The following RNF144A variants were observed in gnomAD, a reference collection of about 807,000 sequenced individuals.
RNF144A encodes ring finger protein 144A, also known as E3 ubiquitin-protein ligase RNF144A.
In RNF144A, 11 loss-of-function variants were observed where a neutral mutation model predicts 38.7. That is an observed-to-expected ratio of 0.28 (90% CI 0.18 to 0.47). The LOEUF is 0.47. RNF144A is among the 20% of genes least tolerant of loss of function. RNF144A has a pLI of 0.99. For synonymous variants in RNF144A, 149 were observed against 143.9 expected (o/e 1.04, Z -0.25); for missense variants, 316 against 377.2 (o/e 0.84, Z 1.34).
Position 6,917,878 on chromosome 2 carries a change from C to T in RNF144A, c.-212+256C>T, listed in dbSNP as rs1013598832. ...ACCTCGTCCCTGCTCTGCTCCTGCC[C>T]TGCCCTGCCTCTCGCAGGCGGCGCC... On this transcript the variant is annotated intron_variant, in intron 1 of 8. Coordinates refer to ENST00000320892, the MANE Select transcript of RNF144A (RefSeq NM_014746.6). This position sits in a 1 kb window ranked among gnomAD's most constrained non-coding sequence, Gnocchi z 4.8. Among the ~76,000 whole-genome samples, 4 of 151,316 alleles carry T rather than the reference C, an allele frequency of 2.6e-5. No homozygotes were observed. Among genetic ancestry groups the T allele is most frequent in the African/African-American group, 9.7e-5 (4 of 41,350 alleles).
At chr2:7,017,999 T>A (rs1232064412) in intron 5 of RNF144A, among the ~76,000 whole-genome samples, 1 of 152,190 alleles carries the variant, frequency 6.6e-6, no homozygotes, top group Non-Finnish European at 1.5e-5. Flanking sequence ...GTCTCCCCTG[T>A]GTGCTATCCT....
At chr2:7,026,023 A>G (rs1363506827) in intron 7 of RNF144A, among the ~76,000 whole-genome samples, 1 of 152,210 alleles carries the variant, frequency 6.6e-6, no homozygotes, top group African/African-American at 2.4e-5. Context: ...AGCTTGGCAC[A>G]CAATGGCTGA....
intron 2 of RNF144A, among the ~76,000 whole-genome samples, chr2:6,972,753 G>A (rs1668075384): frequency 1.3e-5 from 2 of 152,222 alleles, no homozygotes; most frequent in Non-Finnish European, 2.9e-5. Context: ...CTGTTCCTGA[G>A]CCACGTCCAG....
At chr2:6,985,615 G>A (rs984237676) in intron 2 of RNF144A, among the ~76,000 whole-genome samples, 1 of 152,180 alleles carries the variant, frequency 6.6e-6, no homozygotes, top group Admixed American at 6.5e-5. Flanking sequence ...CGAGCCACAC[G>A]TGTAGCATGT....
chr2:7,050,471 G>T (rs924126315), intron 6 of RNF144A, among the ~76,000 whole-genome samples: 1 of 152,114 alleles, frequency 6.6e-6, no homozygotes, highest in African/African-American at 2.4e-5. Context: ...TATTAGCAGA[G>T]TGAGAACAGA....
intron 2 of RNF144A, among the ~76,000 whole-genome samples, chr2:6,987,531 C>CT (rs775193460): frequency 5.3e-5 from 8 of 152,228 alleles, no homozygotes; most frequent in Non-Finnish European, 1.2e-4. Flanking sequence ...TGTAAGTAGA[C>CT]TTTCTGCTCA....
In RNF144A at chr2:6,962,637, C is replaced by G. The variant is rs748591316; in HGVS notation, c.-12+21490C>G. On this transcript the variant is annotated intron_variant, in intron 2 of 8. Coordinates refer to ENST00000320892, the MANE Select transcript of RNF144A (RefSeq NM_014746.6). This position sits in a 1 kb window ranked among gnomAD's most constrained non-coding sequence, Gnocchi z 4.1. ...CTCATCAGATTATGGATAAATTCAC[C>G]GAAATAAGGAAAACTTCTAACACTT... 1.2e-4 allele frequency among the ~76,000 whole-genome samples: 18 copies of G among 151,986 alleles called. No individual in the cohort carries two copies. The highest frequency in any genetic ancestry group is 4.4e-4 in the African/African-American group (18 of 41,374).
downstream of RNF144A, among the ~76,000 whole-genome samples, chr2:7,070,527 C>T (rs1394282956): frequency 6.6e-6 from 1 of 152,146 alleles, no homozygotes; most frequent in Non-Finnish European, 1.5e-5. Context: ...TTGAAGTCCC[C>T]CCTCCCAGTA....
At chr2:7,031,757 G>A (rs1214654399) in intron 8 of RNF144A, among the ~76,000 whole-genome samples, 1 of 152,276 alleles carries the variant, frequency 6.6e-6, no homozygotes, top group Non-Finnish European at 1.5e-5. Flanking sequence ...GGCAGAGCCT[G>A]TGGGCGTCCA....
intron 3 of RNF144A, among the ~76,000 whole-genome samples, chr2:7,005,917 CTTT>C (rs35114772): frequency 5.7e-5 from 8 of 140,334 alleles, no homozygotes; most frequent in Admixed American, 1.4e-4. Flanking sequence ...ATCTGCCACT[CTTT>C]TTTTTTTTTT....
chr2:7,027,698 G>A (rs563023975), intron 7 of RNF144A, among the ~76,000 whole-genome samples: 9 of 152,200 alleles, frequency 5.9e-5, no homozygotes, highest in South Asian at 2.1e-4. Flanking sequence ...ATCCCACCCC[G>A]GAGTTCAATG....
rs775486392 is a variant in RNF144A, at chr2:7,041,043, C to G, written c.*1283C>G. 10 of 985,212 alleles carry G rather than the reference C, an allele frequency of 1.0e-5. No homozygotes were observed. Among genetic ancestry groups the G allele is most frequent in the Non-Finnish European group, 9.6e-6 (8 of 829,870 alleles). The allele number at this position is 985,212 out of a possible 1,614,324, so 61.0% of individuals were successfully genotyped here. ...CTTTGAAAAGTGGAGAAAGTGTATT[C>G]TTTAAAGAGAATTTACTTCTAAAAG... is the stretch of plus-strand genomic sequence containing the variant. On this transcript the variant is annotated 3_prime_UTR_variant, in exon 9 of 9. Coordinates refer to ENST00000320892, the MANE Select transcript of RNF144A (RefSeq NM_014746.6).
intron 2 of RNF144A, among the ~76,000 whole-genome samples, chr2:6,981,096 G>T (rs1474314917): frequency 6.6e-6 from 1 of 152,188 alleles, no homozygotes; most frequent in East Asian, 1.9e-4. Flanking sequence ...CCTGGGCCTG[G>T]CCCTGGCCCA....
In RNF144A at chr2:6,965,550, G is replaced by T. The variant is rs187194095; in HGVS notation, c.-12+24403G>T. Reference sequence around the variant, plus strand: ...GCCTGAGGCATAATGCAAAACCTAAGCGCAAACAGCGGGAAGATGGGGCGG... The same window carrying T: ...GCCTGAGGCATAATGCAAAACCTAATCGCAAACAGCGGGAAGATGGGGCGG... On this transcript the variant is annotated intron_variant, in intron 2 of 8. Coordinates refer to ENST00000320892, the MANE Select transcript of RNF144A (RefSeq NM_014746.6). Among the ~76,000 whole-genome samples, 589 of 152,262 alleles carry T rather than the reference G, an allele frequency of 3.9e-3. 5 individuals carry two copies. Among genetic ancestry groups the T allele is most frequent in the African/African-American group, 0.011 (473 of 41,550 alleles).
At chr2:6,967,664 C>A (rs1667754818) in intron 2 of RNF144A, among the ~76,000 whole-genome samples, 4 of 152,188 alleles carry the variant, frequency 2.6e-5, no homozygotes, top group Admixed American at 2.6e-4. Context: ...GGTGGTGAAT[C>A]CTTCACTTGT....
intron 2 of RNF144A, among the ~76,000 whole-genome samples, chr2:6,947,980 G>A (rs953063176): frequency 2.0e-5 from 3 of 152,306 alleles, no homozygotes; most frequent in Admixed American, 6.5e-5. Flanking sequence ...TGTTAGCTAC[G>A]GGCTAAGAAC....
chr2:6,991,381 A>G (rs1669364056), intron 2 of RNF144A, among the ~76,000 whole-genome samples: 1 of 152,194 alleles, frequency 6.6e-6, no homozygotes, highest in African/African-American at 2.4e-5. Flanking sequence ...ACAGCTCCGT[A>G]TTATGAAGAT....
Position 7,037,397 on chromosome 2 carries a change from G to C in RNF144A, c.748-2232G>C, listed in dbSNP as rs114551909. 4.2e-3 allele frequency among the ~76,000 whole-genome samples: 644 copies of C among 152,364 alleles called. 9 individuals carry two copies. Among genetic ancestry groups the C allele is most frequent in the African/African-American group, 0.014 (602 of 41,588 alleles). ...AAGAATGTGTGGCTCTTTCAAGACTGACAGTTGTGTGCCAGGTAGTCGAGG... is the reference window on the plus strand; with the variant it reads ...AAGAATGTGTGGCTCTTTCAAGACTCACAGTTGTGTGCCAGGTAGTCGAGG... On this transcript the variant is annotated intron_variant, in intron 8 of 8. Transcript: ENST00000320892.
At chr2:7,024,989 A>C (rs1671787797) in intron 7 of RNF144A, among the ~76,000 whole-genome samples, 2 of 152,064 alleles carry the variant, frequency 1.3e-5, no homozygotes, top group African/African-American at 4.8e-5. Context: ...GGACAGACAG[A>C]AGTGGGGGCT....
Sources: allele counts gnomAD v4.1 joint callset (sites outside exome capture counted in the v4.1 genomes callset), GRCh38; gene constraint gnomAD v4.1.1; non-coding constraint Gnocchi (gnomAD v3.1); transcripts MANE v1.5; gene names NCBI Gene and HGNC (gene_info 2026-07-23, HGNC 2026-07-21).